The following KALRN variants were observed in gnomAD, a reference collection of about 807,000 sequenced individuals.
KALRN encodes the protein kalirin.
KALRN carries 70 observed loss-of-function variants against 353.7 expected under a neutral mutation model. The observed-to-expected ratio is 0.20, with a 90% CI of 0.16 to 0.24. The LOEUF is 0.24. KALRN is among the 10% of genes least tolerant of loss of function. KALRN has a pLI of 1.00. For missense variants in KALRN, 2,791 were observed against 3,756.7 expected (o/e 0.74, Z 6.72); for synonymous variants, 1,391 against 1,434.8 (o/e 0.97, Z 0.69).
At chr3:124,316,680 C>T (rs376284111) in intron 6 of KALRN, among the ~76,000 whole-genome samples, 13 of 152,320 alleles carry the variant, frequency 8.5e-5, no homozygotes, top group African/African-American at 2.9e-4. Context: ...AGCCCCATCA[C>T]GTGCTATCCT....
intron 25 of KALRN, among the ~76,000 whole-genome samples, chr3:124,464,857 C>CAA (rs4048324): frequency 0.18 from 15,693 of 87,036 alleles, 1,188 homozygotes; most frequent in Non-Finnish European, 0.21. Context: ...GCAATAGAAC[C>CAA]AAAAAAAAAA....
At chr3:124,187,987 G>A (rs1423171729) in intron 1 of KALRN, among the ~76,000 whole-genome samples, 1 of 152,088 alleles carries the variant, frequency 6.6e-6, no homozygotes, top group East Asian at 1.9e-4. Context: ...ATCTCCTAGG[G>A]AAACATTTTA....
intron 33 of KALRN, among the ~76,000 whole-genome samples, chr3:124,528,399 A>T (rs1355421761): frequency 6.6e-6 from 1 of 152,242 alleles, no homozygotes; most frequent in Non-Finnish European, 1.5e-5. Context: ...CCATGACAGC[A>T]GGAATATGGC....
chr3:124,462,001 C>A, intron 24 of KALRN, 45 bp downstream of exon 24: 1 of 1,413,154 alleles, frequency 7.1e-7, no homozygotes, highest in South Asian at 1.2e-5. Flanking sequence ...GGAAAAATGA[C>A]ATCCTTGCCA....
chr3:124,624,303 A>G (rs1234314603), intron 34 of KALRN, among the ~76,000 whole-genome samples: 1 of 152,216 alleles, frequency 6.6e-6, no homozygotes, highest in African/African-American at 2.4e-5. Flanking sequence ...AAAGCGCAAG[A>G]GTAGTGATGC....
intron 1 of KALRN, among the ~76,000 whole-genome samples, chr3:124,179,179 T>G (rs2073207164): frequency 6.6e-6 from 1 of 152,262 alleles, no homozygotes; most frequent in South Asian, 2.1e-4. Flanking sequence ...TTATAGATAC[T>G]TTTGTAATAA....
At chr3:124,197,843 A>T (rs962449157) in intron 1 of KALRN, among the ~76,000 whole-genome samples, 6 of 152,068 alleles carry the variant, frequency 3.9e-5, no homozygotes, top group African/African-American at 1.4e-4. Flanking sequence ...TCCTCGTCAT[A>T]TCTCCAAACA....
chr3:124,150,573 G>A (rs1184720067), intron 1 of KALRN, among the ~76,000 whole-genome samples: 1 of 151,980 alleles, frequency 6.6e-6, no homozygotes, highest in African/African-American at 2.4e-5. Context: ...GAGAATAATC[G>A]GGATAATTAG....
At chr3:124,101,219 A>G (rs1445280079) in intron 1 of KALRN, among the ~76,000 whole-genome samples, 1 of 152,166 alleles carries the variant, frequency 6.6e-6, no homozygotes, top group African/African-American at 2.4e-5. Context: ...GTTTGGCCTC[A>G]GCTTGCTTTG....
chr3:124,266,815 C>T (rs1184462491), intron 4 of KALRN, among the ~76,000 whole-genome samples: 2 of 152,244 alleles, frequency 1.3e-5, no homozygotes, highest in African/African-American at 4.8e-5. Context: ...CCTGGCACCC[C>T]TCCAGAACAC....
Position 124,092,849 on chromosome 3 carries a change from A to G in KALRN, c.73+59036A>G, listed in dbSNP as rs139471000. Among the ~76,000 whole-genome samples the G allele has an allele frequency of 8.1e-3, 1,236 of 152,326 alleles. 12 individuals are homozygous for G. Among genetic ancestry groups the G allele is most frequent in the African/African-American group, 0.028 (1,184 of 41,572 alleles). On this transcript the variant is annotated intron_variant, in intron 1 of 59. Transcript: ENST00000682506. Reference sequence around the variant, plus strand: ...TGATAGTTATGAAAGTACTTTGTGAACGAAAAAGTACTGGCCACATGTGAG... The same window carrying G: ...TGATAGTTATGAAAGTACTTTGTGAGCGAAAAAGTACTGGCCACATGTGAG...
chr3:124,491,262 GC>G, intron 30 of KALRN, 60 bp from the exon 31 acceptor site: 1 of 1,076,920 alleles, frequency 9.3e-7, no homozygotes, highest in South Asian at 1.7e-5. Flanking sequence ...TCCCACCCCA[GC>G]CCTAAGTTTC....
chr3:124,046,302 A>G (rs1467343300), intron 1 of KALRN, among the ~76,000 whole-genome samples: 1 of 152,150 alleles, frequency 6.6e-6, no homozygotes, highest in Non-Finnish European at 1.5e-5. Flanking sequence ...GTTAGGAAAG[A>G]ATGAGATTTC....
intron 18 of KALRN, among the ~76,000 whole-genome samples, chr3:124,440,742 AT>A (rs2093640440): frequency 6.6e-6 from 1 of 152,126 alleles, no homozygotes; most frequent in African/African-American, 2.4e-5. Flanking sequence ...ATTTCAGTTT[AT>A]CTAGAGATAA....
In KALRN at chr3:124,720,733, G is replaced by A. The variant is rs530154073; in HGVS notation, c.*1263G>A. 3 of 152,304 alleles carry A rather than the reference G, an allele frequency of 2.0e-5. No individual in the cohort carries two copies. Among genetic ancestry groups the A allele is most frequent in the African/African-American group, 7.2e-5 (3 of 41,530 alleles). The allele number at this position is 152,304 out of a possible 1,614,324, so 9.4% of individuals were successfully genotyped here. A position where few individuals can be genotyped will look rare whatever the true frequency, so the allele number is the denominator to read the frequency against. ...ACTTTGAGGCCAATGCTGCTTTCTG[G>A]TGTATATTCTCCATACAAGATTATT... is the stretch of plus-strand genomic sequence containing the variant. On this transcript the variant is annotated 3_prime_UTR_variant, in exon 60 of 60. Coordinates refer to ENST00000682506, the MANE Select transcript of KALRN (RefSeq NM_001388419.1).
At chr3:124,074,636 A>G (rs1385122295) in intron 1 of KALRN, among the ~76,000 whole-genome samples, 1 of 152,232 alleles carries the variant, frequency 6.6e-6, no homozygotes, top group African/African-American at 2.4e-5. Flanking sequence ...GAACCTGGAA[A>G]GACTGTCCTA....
intron 3 of KALRN, among the ~76,000 whole-genome samples, chr3:124,254,422 C>A (rs1318200954): frequency 4.0e-4 from 48 of 121,272 alleles, no homozygotes; most frequent in Middle Eastern, 4.4e-3. Context: ...ATCTATGAAG[C>A]AAAAAAAAAA....
At chr3:124,115,307 G>C (rs751056785) in intron 1 of KALRN, among the ~76,000 whole-genome samples, 16 of 152,146 alleles carry the variant, frequency 1.1e-4, no homozygotes, top group Non-Finnish European at 2.2e-4. Context: ...GCAGCCATTG[G>C]GATATTTTGA....
At chr3:124,216,469 A>T (rs1187058962) in intron 1 of KALRN, among the ~76,000 whole-genome samples, 1 of 152,232 alleles carries the variant, frequency 6.6e-6, no homozygotes, top group Non-Finnish European at 1.5e-5. Flanking sequence ...AAATGGACAC[A>T]TATGGACAGA....
Sources: gnomAD v4.1 joint callset for allele counts (sites outside exome capture counted in the v4.1 genomes callset) on GRCh38, gnomAD v4.1.1 for gene constraint, MANE v1.5 for transcripts, NCBI Gene and HGNC (gene_info 2026-07-23, HGNC 2026-07-21) for gene names.